Variants in UTRN observed in about 807,000 individuals in gnomAD.
The protein encoded by UTRN is dystrophin-related protein 1.
Under a neutral mutation model 463.9 loss-of-function variants are expected in UTRN, and 283 were observed. The ratio of observed to expected loss-of-function variants is 0.61; its 90% confidence interval spans 0.55 to 0.67. The LOEUF (loss-of-function observed/expected upper bound fraction) is 0.67. Ranked by LOEUF, UTRN falls within the 30% of genes least tolerant of loss-of-function variation. The pLI, the probability that UTRN is intolerant of heterozygous loss-of-function variation, is 0.00. For synonymous variants in UTRN, 1,442 were observed against 1,431.5 expected (o/e 1.01, Z -0.17); for missense variants, 3,922 against 4,084.3 (o/e 0.96, Z 1.08).
Position 144,362,982 on chromosome 6 carries a change from G to A in UTRN, c.80-40141G>A, listed in dbSNP as rs1021693036. 2.6e-5 allele frequency among the ~76,000 whole-genome samples: 4 copies of A among 152,036 alleles called. No individual in the cohort carries two copies. In the East Asian group the frequency reaches 7.7e-4, roughly 29 times the overall value. ...CTTAGGTTTTGTATTATGTGGGTTT[G>A]CTATTTTTTAAAAAAATATTTTTAA... is the stretch of plus-strand genomic sequence containing the variant. On this transcript the variant is annotated intron_variant, in intron 2 of 74. Coordinates refer to ENST00000367545, the MANE Select transcript of UTRN (RefSeq NM_007124.3).
At chr6:144,384,456 C>T (rs371716032) in intron 2 of UTRN, among the ~76,000 whole-genome samples, 1 of 152,036 alleles carries the variant, frequency 6.6e-6, no homozygotes, top group Non-Finnish European at 1.5e-5. Context: ...AGTTTCATCC[C>T]GAAACCACTC....
At chr6:144,337,755 C>T (rs1461167604) in intron 2 of UTRN, among the ~76,000 whole-genome samples, 2 of 152,136 alleles carry the variant, frequency 1.3e-5, no homozygotes, top group East Asian at 1.9e-4. Flanking sequence ...GCTGGGATTA[C>T]AGGCACACGC....
At chr6:144,405,346 A>C (rs1157381494) in intron 3 of UTRN, among the ~76,000 whole-genome samples, 1 of 152,118 alleles carries the variant, frequency 6.6e-6, no homozygotes, top group African/African-American at 2.4e-5. Context: ...GATTGCTTCC[A>C]ATTGGGGATA....
chr6:144,433,342 G>A (rs1258928151), intron 9 of UTRN, among the ~76,000 whole-genome samples: 1 of 151,304 alleles, frequency 6.6e-6, no homozygotes, highest in African/African-American at 2.4e-5. Context: ...CTCCCGGACG[G>A]GGCGGCTGGC....
intron 50 of UTRN, among the ~76,000 whole-genome samples, chr6:144,572,994 C>T (rs894510265): frequency 3.3e-5 from 5 of 152,176 alleles, no homozygotes; most frequent in African/African-American, 1.2e-4. Context: ...AATAGTTGAA[C>T]TAATTTACAC....
intron 54 of UTRN, among the ~76,000 whole-genome samples, chr6:144,739,068 A>G (rs1476782402): frequency 1.3e-5 from 2 of 152,166 alleles, no homozygotes; most frequent in Non-Finnish European, 2.9e-5. Flanking sequence ...GTATGGGTTA[A>G]TGTTTTCCTC....
At chr6:144,586,751 T>C (rs1267766610) in intron 51 of UTRN, among the ~76,000 whole-genome samples, 2 of 152,096 alleles carry the variant, frequency 1.3e-5, no homozygotes, top group East Asian at 3.9e-4. Flanking sequence ...AAAAAGCAGT[T>C]TCCTGTAAAG....
At chr6:144,489,970 A>G in intron 30 of UTRN, 101 bp from the exon 31 acceptor site, 2 of 1,476,942 alleles carry the variant, frequency 1.4e-6, no homozygotes, top group Non-Finnish European at 1.8e-6. Flanking sequence ...GTAAAATACG[A>G]TATCATGTAT....
chr6:144,792,616 T>TGA (rs1242089489), intron 62 of UTRN, among the ~76,000 whole-genome samples: 1 of 152,228 alleles, frequency 6.6e-6, no homozygotes, highest in African/African-American at 2.4e-5. Flanking sequence ...AAAATAGTTT[T>TGA]AGAATCCAAT....
At chr6:144,335,949 C>A (rs188114701) in intron 2 of UTRN, among the ~76,000 whole-genome samples, 3 of 152,174 alleles carry the variant, frequency 2.0e-5, no homozygotes, top group African/African-American at 7.2e-5. Context: ...ATGTCTCATT[C>A]CCAAGTAGAG....
At chr6:144,732,063 T>C (rs945557564) in intron 54 of UTRN, among the ~76,000 whole-genome samples, 1 of 151,836 alleles carries the variant, frequency 6.6e-6, no homozygotes, top group African/African-American at 2.4e-5. Flanking sequence ...GGTTTTGCCA[T>C]GTTGGCAAGG....
chr6:144,660,094 G>T (rs1240878555), intron 51 of UTRN: 1 of 414,748 alleles, frequency 2.4e-6, no homozygotes, highest in Non-Finnish European at 5.0e-6. Flanking sequence ...CATAGCTCAA[G>T]GGCAAGGCTT....
chr6:144,359,805 A>G (rs1032200459), intron 2 of UTRN, among the ~76,000 whole-genome samples: 6 of 151,064 alleles, frequency 4.0e-5, no homozygotes, highest in African/African-American at 1.5e-4. Context: ...CCTGTATTAC[A>G]TTTCATCGCT....
rs1339472671 is a variant in UTRN, at chr6:144,690,310, G to T, written c.7653-9777G>T. Among the ~76,000 whole-genome samples, 3 of 151,608 alleles carry T rather than the reference G, an allele frequency of 2.0e-5. No individual in the cohort carries two copies. The East Asian group carries it at 5.9e-4, about 30-fold the overall frequency. On this transcript the variant is annotated intron_variant, in intron 52 of 74. Coordinates refer to ENST00000367545, the MANE Select transcript of UTRN (RefSeq NM_007124.3). ...AGCTGCCTCTGCTGCACAGAAGAGT[G>T]CAAATGAGGGGGGTGTAGCCAGCAG...
At chr6:144,332,155 T>C (rs1776379881) in intron 2 of UTRN, among the ~76,000 whole-genome samples, 1 of 152,178 alleles carries the variant, frequency 6.6e-6, no homozygotes, top group Non-Finnish European at 1.5e-5. Flanking sequence ...CCACCTGAAG[T>C]AGATTTTGTG....
intron 3 of UTRN, among the ~76,000 whole-genome samples, chr6:144,409,724 G>A (rs1204056833): frequency 6.6e-6 from 1 of 152,152 alleles, no homozygotes; most frequent in Non-Finnish European, 1.5e-5. Context: ...ATTGCCACAG[G>A]TAACCATCCA....
intron 2 of UTRN, among the ~76,000 whole-genome samples, chr6:144,358,329 C>CATACAT (rs1404565447): frequency 6.6e-6 from 1 of 152,182 alleles, no homozygotes; most frequent in Non-Finnish European, 1.5e-5. Flanking sequence ...TACACACACA[C>CATACAT]ATACATACAC....
intron 65 of UTRN, among the ~76,000 whole-genome samples, chr6:144,803,466 A>G (rs1202062929): frequency 6.6e-6 from 1 of 152,050 alleles, no homozygotes; most frequent in African/African-American, 2.4e-5. Flanking sequence ...TCATAGTTAA[A>G]TACCATATTC....
At chr6:144,459,462 C>CA (rs1789191205) in intron 21 of UTRN, 108 bp downstream of exon 21, 2 of 1,250,528 alleles carry the variant, frequency 1.6e-6, no homozygotes, top group Non-Finnish European at 2.2e-6. Context: ...CAACCTTCTC[C>CA]ATTTTCCTTT....
Sources: gnomAD v4.1 joint callset for allele counts (sites outside exome capture counted in the v4.1 genomes callset) on GRCh38, gnomAD v4.1.1 for gene constraint, MANE v1.5 for transcripts, NCBI Gene and HGNC (gene_info 2026-07-23, HGNC 2026-07-21) for gene names.